Variants in NACA observed in about 807,000 individuals in gnomAD.
NACA encodes the protein nascent polypeptide-associated complex subunit alpha.
In NACA, 42 loss-of-function variants were observed where a neutral mutation model predicts 86.4. The observed-to-expected ratio is 0.49, with a 90% confidence interval of 0.38 to 0.63. The LOEUF is 0.63. NACA is among the 20% of genes least tolerant of loss of function. NACA has a pLI of 0.00. For missense variants in NACA, 2,157 were observed against 2,483.6 expected, an observed-to-expected ratio of 0.87 and a Z score of 2.80; for synonymous variants, 898 against 973.7, an observed-to-expected ratio of 0.92 and a Z score of 1.45.
chr12:56,713,289 T>G (rs1332504283), intron 6 of NACA, 99 bp from the exon 7 acceptor site: 1 of 1,453,610 alleles, frequency 6.9e-7, no homozygotes, highest in Non-Finnish European at 9.4e-7. Flanking sequence ...TTCAGGTAAC[T>G]TATTGTACAG....
intron 2 of NACA, 27 bp downstream of exon 2, chr12:56,724,425 A>G (rs992742193): frequency 1.3e-6 from 2 of 1,593,228 alleles, no homozygotes; most frequent in African/African-American, 2.7e-5. Context: ...AATTTTAATT[A>G]ATGGCAAGGA....
chr12:56,720,218 T>C lies in NACA; in HGVS notation c.1312A>G (p.Thr438Ala). 1.9e-6 allele frequency: 3 copies of C among 1,613,680 alleles called. No individual in the cohort carries two copies. Among genetic ancestry groups the C allele is most frequent in the Non-Finnish European group, 2.5e-6 (3 of 1,179,842 alleles). ...VAQMPVSSVG[T>A]TPLVVTNPCT... ...GGGTTAGTCACCACAAGTGGGGTGG[T>C]TCCAACAGAAGAAACGGGCATTTGG... is the stretch of plus-strand genomic sequence containing the variant. Residue 438 changes from threonine (T) to alanine (A), a missense_variant, in exon 3 of 9, where the codon ACC (threonine) becomes GCC (alanine). Thr to Ala is a moderately conservative substitution (Grantham distance 58, BLOSUM62 0). This residue lies in a region of NACA where 947 missense variants were observed against 917.9 expected (regional missense o/e 1.03). Coordinates refer to ENST00000454682, the MANE Select transcript of NACA (RefSeq NM_001365896.1).
In NACA at chr12:56,719,322, T is replaced by C; in HGVS notation, c.2208A>G (p.Ser736=). 1.2e-6 allele frequency: 2 copies of C among 1,604,658 alleles called. No individual in the cohort carries two copies. Among genetic ancestry groups the C allele is most frequent in the Non-Finnish European group, 1.7e-6 (2 of 1,174,802 alleles). Residue 736 remains serine (S), a synonymous_variant, in exon 3 of 9, where the codon TCA becomes TCG. Coordinates refer to ENST00000454682, the MANE Select transcript of NACA (RefSeq NM_001365896.1). ...LAPEIPKSVP[S]PSLPPAGTPP... ...GAGTCCCAGCTGGGGGAAGAGAGGG[T>C]GAGGGCACAGACTTTGGGATTTCAG...
intron 2 of NACA, among the ~76,000 whole-genome samples, chr12:56,722,728 G>A (rs184283812): frequency 1.5e-5 from 2 of 136,820 alleles, no homozygotes; most frequent in East Asian, 2.2e-4. Context: ...TTGGAGTGGC[G>A]AGAATACACT....
At position 56,715,885 on chromosome 12, in the gene NACA, G is replaced by GT. The variant is rs1411787469; in HGVS notation, c.5644dup (p.Thr1882AsnfsTer12). On this transcript the variant is annotated frameshift_variant, in exon 3 of 9. Transcript: ENST00000454682. LOFTEE classifies it high-confidence loss of function. ...AAGGCAAATACCCTTGTTGTTCTTC[G>GT]TAACAGGTTGCTTGGCAGAGGGGGT... 1.3e-6 allele frequency: 2 copies of GT among 1,516,012 alleles called. No homozygotes were observed. Among genetic ancestry groups the GT allele is most frequent in the Non-Finnish European group, 1.8e-6 (2 of 1,132,798 alleles). The allele number at this position is 1,516,012 out of a possible 1,614,324, so 93.9% of individuals were successfully genotyped here.
chr12:56,723,368 T>C (rs554882653), intron 2 of NACA, among the ~76,000 whole-genome samples: 3 of 152,258 alleles, frequency 2.0e-5, no homozygotes, highest in Non-Finnish European at 4.4e-5. Flanking sequence ...CAAATCTTCG[T>C]ATTTGTAAAA....
chr12:56,715,265 T>C (rs559098569), intron 3 of NACA, among the ~76,000 whole-genome samples: 2 of 152,310 alleles, frequency 1.3e-5, no homozygotes, highest in South Asian at 4.1e-4. Context: ...GATGATGACC[T>C]ATATCTCTAG....
chr12:56,716,686 GT>G lies in NACA; in HGVS notation c.4843del (p.Thr1615LeufsTer5). ...VTSPSPKEAPTPPAVTPPSPE... is the reference protein window; with the variant it reads ...VTSPSPKEAPXPPAVTPPSPE... ...GGATGGAGGAGTCACAGCTGGAGGA[GT>G]AGGTGCCTCTTTGGGGGAAGGAGAA... is the stretch of plus-strand genomic sequence containing the variant. On this transcript the variant is annotated frameshift_variant, in exon 3 of 9. Coordinates refer to ENST00000454682, the MANE Select transcript of NACA (RefSeq NM_001365896.1). LOFTEE classifies it high-confidence loss of function. 1 of 1,424,374 alleles carries G rather than the reference GT, an allele frequency of 7.0e-7. No individual in the cohort carries two copies. The highest frequency in any genetic ancestry group is 3.0e-5 in the East Asian group (1 of 33,182). 88.2% of individuals were successfully genotyped at this position (1,424,374 alleles called of 1,614,324 possible). A position where few individuals can be genotyped will look rare whatever the true frequency, so the allele number is the denominator to read the frequency against.
In NACA at chr12:56,718,964, G is replaced by A. The variant is rs199689133; in HGVS notation, c.2566C>T (p.Pro856Ser). Residue 856 changes from proline (P) to serine (S), a missense_variant, in exon 3 of 9, where the codon CCC (proline) becomes TCC (serine). By Grantham distance (74) the Pro-to-Ser change is moderately conservative (BLOSUM62 -1). Around this residue, in one of 8 missense-constraint regions of NACA, gnomAD observed 174 missense variants for 217.0 expected, o/e 0.80. Coordinates refer to ENST00000454682, the MANE Select transcript of NACA (RefSeq NM_001365896.1). ...SKDSPATTHS[P>S]TPPSPKGAPT... Reference sequence around the variant, plus strand: ...GCCCCTTTGGGGGATGGAGGAGTGGGAGAATGCGTCGTGGCTGGTGAGTCT... The same window carrying A: ...GCCCCTTTGGGGGATGGAGGAGTGGAAGAATGCGTCGTGGCTGGTGAGTCT... 4.1e-5 allele frequency: 59 copies of A among 1,447,412 alleles called. No homozygotes were observed. In the African/African-American group the frequency reaches 6.4e-4, roughly 16 times the overall value. The allele number at this position is 1,447,412 out of a possible 1,614,324, so 89.7% of individuals were successfully genotyped here.
At position 56,721,067 on chromosome 12, in the gene NACA, G is replaced by C. The variant is rs764201021; in HGVS notation, c.463C>G (p.Pro155Ala). Reference sequence around the variant, plus strand: ...GAAGGAGGTGAAGTAAGAAGGTTAGGTGGAAAAGCAGAACTCTTCTGAACT... The same window carrying C: ...GAAGGAGGTGAAGTAAGAAGGTTAGCTGGAAAAGCAGAACTCTTCTGAACT... ...HSVQKSSAFPPNLLTSPPSVA... is the reference protein window; with the variant it reads ...HSVQKSSAFPANLLTSPPSVA... The change falls in exon 3 of 9, where the codon CCT (proline) becomes GCT (alanine). Residue 155 changes from proline (P) to alanine (A), a missense_variant. Physicochemically the swap from Pro to Ala is conservative, Grantham distance 27 (BLOSUM62 -1). Around this residue, in one of 8 missense-constraint regions of NACA, gnomAD observed 947 missense variants for 917.9 expected, o/e 1.03. Coordinates refer to ENST00000454682, the MANE Select transcript of NACA (RefSeq NM_001365896.1). The C allele has an allele frequency of 1.2e-6, 2 of 1,613,842 alleles. No homozygotes were observed. Among genetic ancestry groups the C allele is most frequent in the African/African-American group, 2.7e-5 (2 of 74,902 alleles).
chr12:56,715,491 C>T (rs1275628900), intron 3 of NACA, among the ~76,000 whole-genome samples: 3 of 152,020 alleles, frequency 2.0e-5, no homozygotes, highest in Admixed American at 6.6e-5. Flanking sequence ...AATAATTTTA[C>T]CAAATCTCAG....
At position 56,721,157 on chromosome 12, in the gene NACA, G is replaced by C; in HGVS notation, c.373C>G (p.Pro125Ala). The C allele has an allele frequency of 1.2e-6, 2 of 1,613,910 alleles. No individual in the cohort carries two copies. The highest frequency in any genetic ancestry group is 1.7e-6 in the Non-Finnish European group (2 of 1,179,856). The part of the protein sequence containing the change: ...ALALASPMIA[P>A]TLKGTPSSSA... ...GAGGAAGGGGTCCCTTTCAGAGTTG[G>C]AGCTATCATGGGAGAGGCTAGAGCT... The change falls in exon 3 of 9, where the codon CCA (proline) becomes GCA (alanine). Residue 125 changes from proline to alanine, a missense_variant. By Grantham distance (27) the Pro-to-Ala change is conservative. Transcript: ENST00000454682.
Position 56,716,957 on chromosome 12 carries a change from C to T in NACA, c.4573G>A (p.Asp1525Asn). 7.8e-7 allele frequency: 1 copy of T among 1,289,466 alleles called. No homozygotes were observed. The highest frequency in any genetic ancestry group is 1.5e-5 in the African/African-American group (1 of 64,976). 79.9% of individuals were successfully genotyped at this position (1,289,466 alleles called of 1,614,324 possible). The change falls in exon 3 of 9, where the codon GAC (aspartate) becomes AAC (asparagine). Residue 1525 changes from aspartate (D) to asparagine (N), a missense_variant. Asp to Asn is a conservative substitution (Grantham distance 23). This residue lies in a region of NACA where 797 missense variants were observed against 777.6 expected (regional missense o/e 1.02). Coordinates refer to ENST00000454682, the MANE Select transcript of NACA (RefSeq NM_001365896.1). The stretch of plus-strand genomic sequence containing the variant: ...AGAGTCGCTGTTGGGGCAATGGGGT[C>T]CCTTCTGGAGGATGGGGTAGCTGGG... ...EVPATPSSRR[D>N]PIAPTATLLS...
In NACA at chr12:56,716,316, T is replaced by C. The variant is rs759956371; in HGVS notation, c.5214A>G (p.Leu1738=). The stretch of plus-strand genomic sequence containing the variant: ...TTGAAGAGTCTTTCTGAACAGGGAG[T>C]AGAGGGGCTGGAGCCACTGTGGAAA... ...GPLSTVAPAP[L]LPVQKDSSKT... The change falls in exon 3 of 9, where the codon CTA becomes CTG. Residue 1738 remains leucine (L), a synonymous_variant. Coordinates refer to ENST00000454682, the MANE Select transcript of NACA (RefSeq NM_001365896.1). The C allele has an allele frequency of 3.1e-6, 5 of 1,612,470 alleles. No homozygotes were observed. Among genetic ancestry groups the C allele is most frequent in the African/African-American group, 2.7e-5 (2 of 74,764 alleles).
In NACA at chr12:56,719,118, C is replaced by T. The variant is rs147175626; in HGVS notation, c.2412G>A (p.Gln804=). 25 of 1,454,668 alleles carry T rather than the reference C, an allele frequency of 1.7e-5. No homozygotes were observed. In the East Asian group the frequency reaches 6.0e-4, roughly 35 times the overall value. 90.1% of individuals were successfully genotyped at this position (1,454,668 alleles called of 1,614,324 possible). A position where few individuals can be genotyped will look rare whatever the true frequency, so the allele number is the denominator to read the frequency against. ...PSPLGVSVSP[Q]TKRPPTKKGS... ...CCTTCTTGGTTGGAGGTCTTTTAGT[C>T]TGAGGAGACACACTAACCCCTAAAG... is the stretch of plus-strand genomic sequence containing the variant. The change falls in exon 3 of 9, where the codon CAG becomes CAA. Residue 804 remains glutamine (Q), a synonymous_variant. Coordinates refer to ENST00000454682, the MANE Select transcript of NACA (RefSeq NM_001365896.1).
intron 1 of NACA, 38 bp from the exon 2 acceptor site, chr12:56,724,561 G>C (rs1297336732): frequency 6.3e-7 from 1 of 1,588,522 alleles, no homozygotes; most frequent in East Asian, 2.3e-5. Flanking sequence ...TAAATTGATT[G>C]GGATACATTC....
chr12:56,714,165 G>GGATT, intron 5 of NACA, 197 bp downstream of exon 5: 1 of 575,968 alleles, frequency 1.7e-6, no homozygotes, highest in Non-Finnish European at 3.0e-6. Flanking sequence ...ACTTTCAACG[G>GGATT]GATTCTACCA....
chr12:56,713,284 G>A, intron 6 of NACA, 94 bp from the exon 7 acceptor site: 1 of 1,459,674 alleles, frequency 6.9e-7, no homozygotes, highest in Non-Finnish European at 9.3e-7. Context: ...ACCCATTCAG[G>A]TAACTTATTG....
In NACA at chr12:56,720,911, A is replaced by T. The variant is rs201259322; in HGVS notation, c.619T>A (p.Cys207Ser). ...PNPKGTPSPP[C>S]IVSTVPYHCV... ...TGGTAAGGAACAGTACTGACTATAC[A>T]TGGAGGGCTGGGGGTGCCTTTTGGA... Residue 207 changes from cysteine (C) to serine (S), a missense_variant, in exon 3 of 9, where the codon TGT becomes AGT. Around this residue, in one of 8 missense-constraint regions of NACA, gnomAD observed 947 missense variants for 917.9 expected, o/e 1.03. Transcript: ENST00000454682. 6.2e-7 allele frequency: 1 copy of T among 1,613,986 alleles called. No homozygotes were observed. Among genetic ancestry groups the T allele is most frequent in the Non-Finnish European group, 8.5e-7 (1 of 1,179,872 alleles).
Sources: allele counts gnomAD v4.1 joint callset (sites outside exome capture counted in the v4.1 genomes callset), GRCh38; gene constraint gnomAD v4.1.1; regional missense constraint gnomAD v4.1.1; transcripts MANE v1.5; gene names NCBI Gene and HGNC (gene_info 2026-07-23, HGNC 2026-07-21).